The following DNAJC10 variants were observed in gnomAD, a reference collection of about 807,000 sequenced individuals.
DNAJC10 encodes the protein endoplasmic reticulum disulfide reductase DNAJC10.
Under a neutral mutation model 115.0 loss-of-function variants are expected in DNAJC10, and 101 were observed. That is an observed-to-expected ratio of 0.88 (90% CI 0.75 to 1.04). The LOEUF (loss-of-function observed/expected upper bound fraction) is 1.04. DNAJC10 is among the 50% of genes least tolerant of loss of function. DNAJC10 has a pLI of 0.00. For missense variants in DNAJC10, 981 were observed against 928.8 expected (o/e 1.06, Z -0.73); for synonymous variants, 307 against 301.5 (o/e 1.02, Z -0.19).
chr2:182,759,501 C>T (rs577162005), intron 21 of DNAJC10, among the ~76,000 whole-genome samples, 194 bp downstream of exon 21: 1 of 151,940 alleles, frequency 6.6e-6, no homozygotes, highest in Admixed American at 6.6e-5. Context: ...TAGCTAACAT[C>T]TTCTCTATCT....
intron 10 of DNAJC10, 78 bp downstream of exon 10, chr2:182,732,620 C>T: frequency 7.1e-7 from 1 of 1,400,628 alleles, no homozygotes; most frequent in Non-Finnish European, 1.0e-6. Flanking sequence ...ACATTTTCTT[C>T]CCTTATTTCT....
At chr2:182,751,575 T>G in intron 14 of DNAJC10, 83 bp from the exon 15 acceptor site, 2 of 1,425,802 alleles carry the variant, frequency 1.4e-6, no homozygotes, top group South Asian at 2.6e-5. Context: ...TTCTTTAGTA[T>G]TCTGAGTATT....
chr2:182,737,609 GTGTGTGTGTGCTTGTGTATGTATA>G (rs1357374310), intron 11 of DNAJC10, among the ~76,000 whole-genome samples: 5 of 152,090 alleles, frequency 3.3e-5, no homozygotes, highest in Non-Finnish European at 5.9e-5. Flanking sequence ...ATGTGTGGAT[GTGTGTGTGTGCTTGTGTATGTATA>G]TGTGTGTGTG....
intron 14 of DNAJC10, among the ~76,000 whole-genome samples, chr2:182,745,279 A>AT (rs1270043783): frequency 6.6e-6 from 1 of 152,140 alleles, no homozygotes; most frequent in Non-Finnish European, 1.5e-5. Flanking sequence ...TCCAGTCTTA[A>AT]TTCCCACTGC....
chr2:182,787,660 C>G lies in DNAJC10; in HGVS notation c.*10528C>G, dbSNP rs1234791604. 1 of 152,302 alleles carries G rather than the reference C, an allele frequency of 6.6e-6. No individual in the cohort carries two copies. The allele number at this position is 152,302 out of a possible 1,614,324, so 9.4% of individuals were successfully genotyped here. ...TGAGGCCAGGTGCGGTGGCTCACAC[C>G]TGTAACTCCAGCACTTTGGAAGGCC... On this transcript the variant is annotated 3_prime_UTR_variant, in exon 24 of 24. Transcript: ENST00000264065.
At chr2:182,753,195 A>G (rs1694068820) in intron 16 of DNAJC10, among the ~76,000 whole-genome samples, 1 of 152,198 alleles carries the variant, frequency 6.6e-6, no homozygotes, top group South Asian at 2.1e-4. Context: ...AGTGAAGTAA[A>G]AGTAGCCATG....
In DNAJC10 at chr2:182,776,843, C is replaced by T. The variant is rs191174989; in HGVS notation, c.2371-278C>T. On this transcript the variant is annotated intron_variant, in intron 23 of 23. Transcript: ENST00000264065. ...TAAAAATTGTCATAATCTAAAATAT[C>T]ATACCTGAAATTAAGTTAAAGAGAA... Among the ~76,000 whole-genome samples, 794 of 152,214 alleles carry T rather than the reference C, an allele frequency of 5.2e-3. 3 individuals are homozygous for T. The highest frequency in any genetic ancestry group is 8.2e-3 in the Non-Finnish European group (557 of 67,998).
rs959261353 is a variant in DNAJC10 at position 182,784,748 on chromosome 2, C to T, written c.*7616C>T. On this transcript the variant is annotated 3_prime_UTR_variant, in exon 24 of 24. Coordinates refer to ENST00000264065, the MANE Select transcript of DNAJC10 (RefSeq NM_018981.4). ...ATTGTAAAATTTAAGGTAGCTCTAC[C>T]TGCTAAAGTAGCACCTATTCTTTTG... The T allele has an allele frequency of 5.9e-5, 9 of 152,154 alleles. No individual in the cohort carries two copies. Among genetic ancestry groups the T allele is most frequent in the African/African-American group, 2.2e-4 (9 of 41,424 alleles). 9.4% of individuals were successfully genotyped at this position (152,154 alleles called of 1,614,324 possible).
chr2:182,747,906 C>G (rs1296257473), intron 14 of DNAJC10, among the ~76,000 whole-genome samples: 4 of 151,914 alleles, frequency 2.6e-5, no homozygotes, highest in African/African-American at 9.7e-5. Flanking sequence ...TATGTCCCAT[C>G]AATACCTAAT....
At chr2:182,730,757 AGGTAGGCAAAGCTCAAGTCACAG>A (rs1693423899) in intron 8 of DNAJC10, among the ~76,000 whole-genome samples, 1 of 152,134 alleles carries the variant, frequency 6.6e-6, no homozygotes, top group Non-Finnish European at 1.5e-5. Flanking sequence ...CTGGCTAAAT[AGGTAGGCAAAGCTCAAGTCACAG>A]GGGCCTAACT....
intron 14 of DNAJC10, among the ~76,000 whole-genome samples, chr2:182,748,539 T>TA (rs1261669824): frequency 6.6e-6 from 1 of 152,232 alleles, no homozygotes; most frequent in African/African-American, 2.4e-5. Flanking sequence ...TAGTATTCTC[T>TA]GATGGTAGTT....
intron 16 of DNAJC10, chr2:182,752,401 A>G (rs1463924918): frequency 2.9e-6 from 1 of 345,932 alleles, no homozygotes; most frequent in Non-Finnish European, 4.9e-6. Flanking sequence ...GAATGTAAAT[A>G]AGGTCTTATT....
chr2:182,741,466 A>C (rs548778694), intron 13 of DNAJC10, 110 bp downstream of exon 13: 55 of 530,480 alleles, frequency 1.0e-4, no homozygotes, highest in East Asian at 1.0e-4. Flanking sequence ...AATTATAAGA[A>C]GCCTATAAGT....
In DNAJC10 at chr2:182,752,163, C is replaced by T. The variant is rs369183539; in HGVS notation, c.1526C>T (p.Thr509Ile). The T allele has an allele frequency of 8.0e-5, 128 of 1,608,568 alleles. No individual in the cohort carries two copies. Among genetic ancestry groups the T allele is most frequent in the Non-Finnish European group, 9.9e-5 (117 of 1,175,908 alleles). Residue 509 changes from threonine to isoleucine, a missense_variant, in exon 16 of 24, where the codon ACA becomes ATA. Thr to Ile is a moderately conservative substitution (Grantham distance 89). Coordinates refer to ENST00000264065, the MANE Select transcript of DNAJC10 (RefSeq NM_018981.4). ...GQLKFGTLDC[T>I]VHEGLCNMYN... is the part of the protein sequence containing the mutation. ...CTTAAGTTTGGTACACTAGATTGTACAGTTCATGAGGGACTCTGTAACATG... is the reference window on the plus strand; with the variant it reads ...CTTAAGTTTGGTACACTAGATTGTATAGTTCATGAGGGACTCTGTAACATG...
Position 182,784,946 on chromosome 2 carries a change from G to C in DNAJC10, c.*7814G>C, listed in dbSNP as rs1160276388. The C allele has an allele frequency of 6.6e-6, 1 of 152,200 alleles. No homozygotes were observed. Among genetic ancestry groups the C allele is most frequent in the Non-Finnish European group, 1.5e-5 (1 of 68,038 alleles). The allele number at this position is 152,200 out of a possible 1,614,324, so 9.4% of individuals were successfully genotyped here. A position where few individuals can be genotyped will look rare whatever the true frequency, so the allele number is the denominator to read the frequency against. ...CTGATAAAATGCCATTTCTACCTCA[G>C]TACTTGATAAGAATCACACAGTCTA... On this transcript the variant is annotated 3_prime_UTR_variant, in exon 24 of 24. Transcript: ENST00000264065.
chr2:182,734,020 T>C (rs1693522659), intron 10 of DNAJC10, among the ~76,000 whole-genome samples: 1 of 151,378 alleles, frequency 6.6e-6, no homozygotes, highest in Non-Finnish European at 1.5e-5. Context: ...TTTATTCTTA[T>C]TCTGTCCAAG....
intron 10 of DNAJC10, among the ~76,000 whole-genome samples, chr2:182,735,195 T>C (rs769469754): frequency 3.3e-5 from 5 of 151,866 alleles, no homozygotes; most frequent in Non-Finnish European, 5.9e-5. Flanking sequence ...TGTCCTTTTA[T>C]TGTTCATTTA....
At position 182,756,311 on chromosome 2, in the gene DNAJC10, C is replaced by T. The variant is rs201278988; in HGVS notation, c.1654-3C>T. ...GTTATAATGGAAGCTATATTCTCTT[C>T]AGGATCTTATGAATCCTTCAGTGGT... is the stretch of plus-strand genomic sequence containing the variant. On this transcript the variant is annotated splice_polypyrimidine_tract_variant and splice_region_variant and intron_variant, in intron 17 of 23. Coordinates refer to ENST00000264065, the MANE Select transcript of DNAJC10 (RefSeq NM_018981.4). The T allele has an allele frequency of 2.2e-5, 36 of 1,609,362 alleles. 1 individual carries two copies. Among genetic ancestry groups the T allele is most frequent in the Middle Eastern group, 1.7e-4 (1 of 6,044 alleles).
chr2:182,727,570 T>C (rs1224561447), intron 5 of DNAJC10, among the ~76,000 whole-genome samples: 1 of 152,242 alleles, frequency 6.6e-6, no homozygotes, highest in Non-Finnish European at 1.5e-5. Flanking sequence ...TTACACACTT[T>C]GCCTGTAATG....
Sources: gnomAD v4.1 joint callset for allele counts (sites outside exome capture counted in the v4.1 genomes callset) on GRCh38, gnomAD v4.1.1 for gene constraint, MANE v1.5 for transcripts, NCBI Gene and HGNC (gene_info 2026-07-23, HGNC 2026-07-21) for gene names.